The following ARFGEF1 variants were observed in gnomAD, a reference collection of about 807,000 sequenced individuals.
The protein encoded by ARFGEF1 is brefeldin A-inhibited guanine nucleotide-exchange protein 1.
A neutral mutation model predicts 231.0 loss-of-function variants in ARFGEF1; 42 were observed. That is an observed-to-expected ratio of 0.18 (90% CI 0.14 to 0.24). The LOEUF (loss-of-function observed/expected upper bound fraction) is 0.24, where lower values mean the gene tolerates loss of function less well. ARFGEF1 is among the 10% of genes least tolerant of loss of function. The pLI is 1.00. For synonymous variants in ARFGEF1, 710 were observed against 732.3 expected (o/e 0.97, Z 0.49); for missense variants, 1,345 against 2,192.0 (o/e 0.61, Z 7.72).
downstream of ARFGEF1, among the ~76,000 whole-genome samples, chr8:67,195,195 C>G (rs2290586): frequency 0.022 from 3,344 of 152,138 alleles, 80 homozygotes; most frequent in South Asian, 0.047. Flanking sequence ...TTTGTGGGCC[C>G]ACTCTCCTCC....
In ARFGEF1 at chr8:67,226,179, A is replaced by G. The variant is rs1053830918; in HGVS notation, c.3921T>C (p.Leu1307=). The G allele has an allele frequency of 1.9e-6, 3 of 1,601,388 alleles. No homozygotes were observed. The highest frequency in any genetic ancestry group is 2.7e-5 in the African/African-American group (2 of 74,286). Residue 1307 remains leucine (L), a synonymous_variant, in exon 28 of 39, where the codon CTT becomes CTC. Coordinates refer to ENST00000262215, the MANE Select transcript of ARFGEF1 (RefSeq NM_006421.5). ...AFQTTGHIVT[L]VFEKHFPATI... ...TCGCTGGAAAGTGTTTTTCAAATAC[A>G]AGGGCTAAAATAGAGAAAAATATAT...
At chr8:67,274,323 C>CAAA (rs57986405) in intron 9 of ARFGEF1, among the ~76,000 whole-genome samples, 2 of 123,788 alleles carry the variant, frequency 1.6e-5, no homozygotes, top group Admixed American at 8.2e-5. Flanking sequence ...TGACTTTTGG[C>CAAA]AAAAAAAAAA....
rs994723739 is a variant in ARFGEF1, at chr8:67,268,604, T to C, written c.1573-1162A>G. Among the ~76,000 whole-genome samples the C allele has an allele frequency of 2.0e-5, 3 of 152,174 alleles. No individual in the cohort carries two copies. In the South Asian group the frequency reaches 6.2e-4, roughly 32 times the overall value. On this transcript the variant is annotated intron_variant, in intron 10 of 38. Transcript: ENST00000262215. ...GTAGTTGCTATGATAAAAAACCAAG[T>C]ACTGAATGAAAATCAATGAAGTACA...
At chr8:67,290,132 A>G (rs923730560) in intron 6 of ARFGEF1, among the ~76,000 whole-genome samples, 1 of 152,230 alleles carries the variant, frequency 6.6e-6, no homozygotes, top group Non-Finnish European at 1.5e-5. Flanking sequence ...TTTCATTTAT[A>G]TCAGCTATTG....
chr8:67,286,276 A>C (rs185033942), intron 7 of ARFGEF1, among the ~76,000 whole-genome samples: 2 of 152,346 alleles, frequency 1.3e-5, no homozygotes, highest in African/African-American at 4.8e-5. Context: ...ACCACTAGTG[A>C]ATCCAGATAA....
chr8:67,249,662 G>A (rs907962122), intron 19 of ARFGEF1, among the ~76,000 whole-genome samples: 5 of 138,788 alleles, frequency 3.6e-5, no homozygotes, highest in Non-Finnish European at 6.2e-5. Context: ...TCACTCTGTC[G>A]CCCAGGCTAG....
chr8:67,279,371 T>C (rs1260004725), intron 7 of ARFGEF1, among the ~76,000 whole-genome samples: 1 of 152,132 alleles, frequency 6.6e-6, no homozygotes, highest in African/African-American at 2.4e-5. Flanking sequence ...AATACATCTC[T>C]TCCTGCCTTC....
intron 5 of ARFGEF1, chr8:67,190,878 C>T: frequency 1.4e-6 from 1 of 715,798 alleles, no homozygotes. Flanking sequence ...AGACATGGGT[C>T]TGAATCTAGG....
At chr8:67,307,487 C>G (rs1806802570) in intron 1 of ARFGEF1, among the ~76,000 whole-genome samples, 1 of 152,174 alleles carries the variant, frequency 6.6e-6, no homozygotes. Context: ...ATGGAACAAT[C>G]TCATTAACCT....
chr8:67,188,799 T>G (rs887600062), intron 5 of ARFGEF1, among the ~76,000 whole-genome samples: 3 of 152,226 alleles, frequency 2.0e-5, no homozygotes, highest in Non-Finnish European at 4.4e-5. Context: ...CCATTGTTCC[T>G]GCACGGCTAA....
intron 13 of ARFGEF1, among the ~76,000 whole-genome samples, chr8:67,266,622 C>T (rs1249230455): frequency 2.0e-5 from 3 of 151,982 alleles, no homozygotes; most frequent in African/African-American, 4.8e-5. Context: ...AATTATAATA[C>T]AAGAAAGTTG....
At chr8:67,320,362 C>T (rs190899296) in intron 1 of ARFGEF1, among the ~76,000 whole-genome samples, 35 of 151,896 alleles carry the variant, frequency 2.3e-4, no homozygotes, top group African/African-American at 6.8e-4. Flanking sequence ...TCCCAAGAGT[C>T]GGTAAGGATA....
Position 67,201,708 on chromosome 8 carries a change from ATCTGCTGCT to A in ARFGEF1, c.5129-112_5129-104del, listed in dbSNP as rs1373161045. On this transcript the variant is annotated intron_variant, in intron 36 of 38. Transcript: ENST00000262215. The stretch of plus-strand genomic sequence containing the variant: ...ATTTTGTTTGTGCTCAGCCATCAGC[ATCTGCTGCT>A]TACAAAACGGAGCCACAGCAGCCTG... 8.0e-5 allele frequency: 119 copies of A among 1,480,796 alleles called. 1 individual carries two copies. Among genetic ancestry groups the A allele is most frequent in the Non-Finnish European group, 1.1e-4 (114 of 1,085,626 alleles). 91.7% of individuals were successfully genotyped at this position (1,480,796 alleles called of 1,614,324 possible). A position where few individuals can be genotyped will look rare whatever the true frequency, so the allele number is the denominator to read the frequency against.
In ARFGEF1 at chr8:67,198,400, C is replaced by T. The variant is rs1838187026; in HGVS notation, c.*534G>A. On this transcript the variant is annotated 3_prime_UTR_variant, in exon 39 of 39. Coordinates refer to ENST00000262215, the MANE Select transcript of ARFGEF1 (RefSeq NM_006421.5). Reference sequence around the variant, plus strand: ...ATTTTTATATTACAGACCTGCATCTCTGTACATTTTTCACAGGATGATTAC... The same window carrying T: ...ATTTTTATATTACAGACCTGCATCTTTGTACATTTTTCACAGGATGATTAC... 7.1e-6 allele frequency: 7 copies of T among 985,786 alleles called. No individual in the cohort carries two copies. The South Asian group carries it at 3.3e-4, about 46-fold the overall frequency. The allele number at this position is 985,786 out of a possible 1,614,324, so 61.1% of individuals were successfully genotyped here.
At chr8:67,250,067 T>A (rs753617724) in intron 19 of ARFGEF1, among the ~76,000 whole-genome samples, 1 of 152,176 alleles carries the variant, frequency 6.6e-6, no homozygotes, top group Non-Finnish European at 1.5e-5. Context: ...GAGTGCAGCA[T>A]AGTAAGAAAC....
chr8:67,248,698 T>C (rs1840179832), intron 19 of ARFGEF1, among the ~76,000 whole-genome samples: 1 of 150,208 alleles, frequency 6.7e-6, no homozygotes, highest in Admixed American at 6.6e-5. Flanking sequence ...TGAAGAAACA[T>C]CCCACAGAAT....
intron 35 of ARFGEF1, 132 bp downstream of exon 35, chr8:67,204,548 C>T: frequency 9.0e-7 from 1 of 1,115,112 alleles, no homozygotes; most frequent in Non-Finnish European, 1.2e-6. Context: ...GGGATCCAGT[C>T]TCATGGTTTA....
Position 67,292,011 on chromosome 8 carries a change from G to A in ARFGEF1, c.752C>T (p.Pro251Leu). 6.2e-7 allele frequency: 1 copy of A among 1,613,976 alleles called. No homozygotes were observed. Among genetic ancestry groups the A allele is most frequent in the East Asian group, 2.2e-5 (1 of 44,872 alleles). ...PESPQLRYLP[P>L]QTVDHISQEH... is the part of the protein sequence containing the mutation. ...TTGGGATATATGATCAACAGTCTGA[G>A]GTGGCAAATATCTAAGTTGAGGTGA... The change falls in exon 6 of 39, where the codon CCT becomes CTT. Residue 251 changes from proline to leucine, a missense_variant. By Grantham distance (98) the Pro-to-Leu change is moderately conservative (BLOSUM62 -3). Transcript: ENST00000262215.
intron 15 of ARFGEF1, among the ~76,000 whole-genome samples, chr8:67,258,836 C>T (rs533113851): frequency 3.2e-4 from 49 of 151,852 alleles, no homozygotes; most frequent in Non-Finnish European, 6.2e-4. Flanking sequence ...CACACACACA[C>T]ACACACACAC....
Sources: allele counts gnomAD v4.1 joint callset (sites outside exome capture counted in the v4.1 genomes callset), GRCh38; gene constraint gnomAD v4.1.1; transcripts MANE v1.5; gene names NCBI Gene and HGNC (gene_info 2026-07-23, HGNC 2026-07-21).